Variants in GNA14 observed in about 807,000 individuals in gnomAD.
The protein encoded by GNA14 is guanine nucleotide-binding protein subunit alpha-14.
In GNA14, 50 loss-of-function variants were observed where a neutral mutation model predicts 42.0. The ratio of observed to expected loss-of-function variants is 1.19; its 90% CI spans 0.95 to 1.51. GNA14 has a LOEUF of 1.51. Ranked by LOEUF, GNA14 falls within the 40% of genes most tolerant of loss-of-function variation. GNA14 has a pLI of 0.00. For synonymous variants in GNA14, 173 were observed against 163.1 expected, an observed-to-expected ratio of 1.06 and a Z score of -0.46; for missense variants, 473 against 446.2, an observed-to-expected ratio of 1.06 and a Z score of -0.54.
intron 1 of GNA14, among the ~76,000 whole-genome samples, chr9:77,537,867 A>G (rs886730762): frequency 3.9e-5 from 6 of 152,114 alleles, no homozygotes; most frequent in East Asian, 1.9e-4. Flanking sequence ...GGCCATTTGT[A>G]TGCCTTCTTT....
At chr9:77,523,735 G>T (rs913457825) in intron 2 of GNA14, among the ~76,000 whole-genome samples, 2 of 152,190 alleles carry the variant, frequency 1.3e-5, no homozygotes, top group African/African-American at 2.4e-5. Flanking sequence ...AGGAGCTAGG[G>T]TCAGCTGTGA....
chr9:77,532,350 C>A (rs1361181100), intron 1 of GNA14, among the ~76,000 whole-genome samples: 4 of 152,194 alleles, frequency 2.6e-5, no homozygotes, highest in African/African-American at 4.8e-5. Context: ...TCACCTGGTA[C>A]AGAGATTTCA....
chr9:77,575,313 C>A (rs994437348), intron 1 of GNA14, among the ~76,000 whole-genome samples: 1 of 152,268 alleles, frequency 6.6e-6, no homozygotes, highest in South Asian at 2.1e-4. Context: ...ACCTGGAAGG[C>A]GGACGTTGCA....
chr9:77,502,698 G>A (rs1036209261), intron 2 of GNA14, among the ~76,000 whole-genome samples: 6 of 152,210 alleles, frequency 3.9e-5, no homozygotes, highest in South Asian at 2.1e-4. Flanking sequence ...GTACCTCTTC[G>A]TGGGAATGTG....
chr9:77,589,577 T>C (rs969849309), intron 1 of GNA14, among the ~76,000 whole-genome samples: 11 of 152,158 alleles, frequency 7.2e-5, no homozygotes, highest in African/African-American at 2.7e-4. Flanking sequence ...GGGAGAGGGT[T>C]GTTTGCTCAT....
In GNA14 at chr9:77,477,714, C is replaced by T. The variant is rs554973454; in HGVS notation, c.310-43192G>A. ...TGAAGCTATTTGAGGGAAGCAGTGA[C>T]ACTGTAGAAAACAGAAGAAGAATGT... On this transcript the variant is annotated intron_variant, in intron 2 of 6. Transcript: ENST00000341700. Among the ~76,000 whole-genome samples, 3 of 152,234 alleles carry T rather than the reference C, an allele frequency of 2.0e-5. No individual in the cohort carries two copies. In the East Asian group the frequency reaches 5.8e-4, roughly 29 times the overall value.
intron 2 of GNA14, among the ~76,000 whole-genome samples, chr9:77,442,531 C>CT (rs1835751074): frequency 6.6e-6 from 1 of 152,226 alleles, no homozygotes; most frequent in African/African-American, 2.4e-5. Context: ...TTAAGCAGCT[C>CT]TTTTTCCAAC....
chr9:77,606,572 A>G (rs1169810538), intron 1 of GNA14, among the ~76,000 whole-genome samples: 1 of 152,206 alleles, frequency 6.6e-6, no homozygotes, highest in Non-Finnish European at 1.5e-5. Flanking sequence ...TGTCTCATGC[A>G]TACTGGTAAT....
At chr9:77,504,917 C>T (rs893472993) in intron 2 of GNA14, among the ~76,000 whole-genome samples, 11 of 152,050 alleles carry the variant, frequency 7.2e-5, no homozygotes, top group South Asian at 2.1e-4. Context: ...CCACCCGCCT[C>T]GGCCTCCCAA....
At chr9:77,625,020 A>C (rs1823990922) in intron 1 of GNA14, among the ~76,000 whole-genome samples, 1 of 152,036 alleles carries the variant, frequency 6.6e-6, no homozygotes, top group South Asian at 2.1e-4. Context: ...AAAAGGCTAT[A>C]CGAATTGCTA....
At chr9:77,431,249 C>A in intron 4 of GNA14, 72 bp downstream of exon 4, 2 of 1,376,670 alleles carry the variant, frequency 1.5e-6, no homozygotes, top group African/African-American at 1.4e-5. Context: ...AGGAATAACA[C>A]GTTTAAGAAT....
intron 2 of GNA14, among the ~76,000 whole-genome samples, chr9:77,490,435 G>C (rs1386096889): frequency 1.3e-5 from 2 of 152,244 alleles, no homozygotes. Flanking sequence ...GGAGCAGGGG[G>C]CAGCATTCGT....
At chr9:77,642,135 A>G (rs546228092) in intron 1 of GNA14, among the ~76,000 whole-genome samples, 5 of 152,258 alleles carry the variant, frequency 3.3e-5, no homozygotes, top group Non-Finnish European at 5.9e-5. Flanking sequence ...TCAAAACTCA[A>G]AGTGTACACT....
At chr9:77,536,559 C>A (rs1837602096) in intron 1 of GNA14, among the ~76,000 whole-genome samples, 1 of 152,168 alleles carries the variant, frequency 6.6e-6, no homozygotes, top group African/African-American at 2.4e-5. Flanking sequence ...CCACGTTGGC[C>A]AGGCTGGTCT....
At position 77,535,587 on chromosome 9, in the gene GNA14, G is replaced by T. The variant is rs542683374; in HGVS notation, c.125-6334C>A. ...AAAAACAAAAAAGATACTGATTTAT[G>T]AGAGAATCAGCTAATGCTGAGAGAA... On this transcript the variant is annotated intron_variant, in intron 1 of 6. Transcript: ENST00000341700. 7.9e-5 allele frequency among the ~76,000 whole-genome samples: 12 copies of T among 152,224 alleles called. No homozygotes were observed. The South Asian group carries it at 2.5e-3, about 32-fold the overall frequency.
At chr9:77,608,225 C>T (rs1355454917) in intron 1 of GNA14, among the ~76,000 whole-genome samples, 2 of 152,196 alleles carry the variant, frequency 1.3e-5, no homozygotes, top group East Asian at 1.9e-4. Flanking sequence ...CATGTCATCT[C>T]TTTTTTCTGA....
chr9:77,512,977 CAGA>C (rs2131751756), intron 2 of GNA14, among the ~76,000 whole-genome samples: 1 of 152,332 alleles, frequency 6.6e-6, no homozygotes, highest in East Asian at 1.9e-4. Context: ...ATCCACTCAA[CAGA>C]AGGTTCTTCA....
intron 1 of GNA14, among the ~76,000 whole-genome samples, chr9:77,540,586 A>G (rs764127871): frequency 6.6e-6 from 1 of 152,084 alleles, no homozygotes; most frequent in African/African-American, 2.4e-5. Flanking sequence ...GTCCCCTACT[A>G]TTATTGTACT....
intron 2 of GNA14, among the ~76,000 whole-genome samples, chr9:77,523,471 A>G (rs1333974879): frequency 4.6e-5 from 7 of 152,128 alleles, no homozygotes; most frequent in Admixed American, 4.6e-4. Context: ...ATGGTGCTAA[A>G]CCATTCATGA....
Sources: allele counts gnomAD v4.1 joint callset (sites outside exome capture counted in the v4.1 genomes callset), GRCh38; gene constraint gnomAD v4.1.1; transcripts MANE v1.5; gene names NCBI Gene and HGNC (gene_info 2026-07-23, HGNC 2026-07-21).